Variants in HDAC9 observed in about 807,000 individuals in gnomAD.
HDAC9 encodes histone deacetylase 9.
Under a neutral mutation model 139.4 loss-of-function variants are expected in HDAC9, and 41 were observed. The observed-to-expected ratio is 0.29, with a 90% CI of 0.23 to 0.38. The LOEUF is 0.38. Ranked by LOEUF, HDAC9 falls within the 10% of genes least tolerant of loss-of-function variation. The pLI is 1.00. For synonymous variants in HDAC9, 517 were observed against 476.2 expected, an observed-to-expected ratio of 1.09 and a Z score of -1.12; for missense variants, 1,147 against 1,297.0, an observed-to-expected ratio of 0.88 and a Z score of 1.78.
At chr7:18,353,743 C>T (rs1292358113) in intron 1 of HDAC9, among the ~76,000 whole-genome samples, 1 of 152,162 alleles carries the variant, frequency 6.6e-6, no homozygotes, top group Non-Finnish European at 1.5e-5. Flanking sequence ...TATTTTCTGC[C>T]TAAGCAGACT....
intron 1 of HDAC9, among the ~76,000 whole-genome samples, chr7:18,098,376 T>TAA (rs1782644568): frequency 1.3e-5 from 2 of 152,244 alleles, no homozygotes; most frequent in African/African-American, 4.8e-5. Context: ...AGGCTATCTA[T>TAA]GCAAATAAGT....
chr7:18,301,233 C>G (rs1043224859), intron 1 of HDAC9, among the ~76,000 whole-genome samples: 2 of 151,986 alleles, frequency 1.3e-5, no homozygotes, highest in African/African-American at 4.8e-5. Context: ...ATATAAGCAT[C>G]AGAATAATAC....
chr7:18,990,251 T>A (rs951663156), intron 25 of HDAC9, among the ~76,000 whole-genome samples: 2 of 152,142 alleles, frequency 1.3e-5, no homozygotes, highest in Non-Finnish European at 2.9e-5. Flanking sequence ...GTCCTTTCTG[T>A]TTGTTAGGAC....
At chr7:18,744,207 G>A (rs1015645588) in intron 13 of HDAC9, among the ~76,000 whole-genome samples, 2 of 151,952 alleles carry the variant, frequency 1.3e-5, no homozygotes, top group Non-Finnish European at 2.9e-5. Flanking sequence ...GGTCAGGCTG[G>A]TCTTGAACTC....
intron 2 of HDAC9, among the ~76,000 whole-genome samples, chr7:18,258,094 C>T (rs1478557369): frequency 6.6e-6 from 1 of 152,194 alleles, no homozygotes; most frequent in Non-Finnish European, 1.5e-5. Context: ...TCATATTTCC[C>T]TTAACTGAGT....
intron 1 of HDAC9, among the ~76,000 whole-genome samples, chr7:18,355,325 C>T (rs914466374): frequency 6.6e-6 from 1 of 152,104 alleles, no homozygotes; most frequent in Non-Finnish European, 1.5e-5. Flanking sequence ...TCTTAACCTT[C>T]CAAGAGTCTG....
intron 12 of HDAC9, among the ~76,000 whole-genome samples, chr7:18,692,786 A>T (rs1782764091): frequency 6.6e-6 from 1 of 152,250 alleles, no homozygotes; most frequent in African/African-American, 2.4e-5. Context: ...GTGACCATGT[A>T]TATTTTATGG....
intron 1 of HDAC9, among the ~76,000 whole-genome samples, chr7:18,312,074 A>G (rs1249654392): frequency 6.6e-6 from 1 of 152,172 alleles, no homozygotes; most frequent in East Asian, 1.9e-4. Context: ...TGTAGGGCCT[A>G]TTGTCCTGAC....
At position 18,474,630 on chromosome 7, in the gene HDAC9, G is replaced by A. The variant is rs951921368; in HGVS notation, c.-41-21632G>A. 5.3e-5 allele frequency among the ~76,000 whole-genome samples: 8 copies of A among 152,230 alleles called. No individual in the cohort carries two copies. The East Asian group carries it at 1.5e-3, about 29-fold the overall frequency. On this transcript the variant is annotated intron_variant, in intron 1 of 3. Coordinates refer to the HDAC9 transcript ENST00000413509. ...TTAAAGCATGTTTGAAATAGATAAT[G>A]ATTATTTTATGTGTTTATCTTGAGC...
At chr7:18,306,178 A>T (rs1344673840) in intron 1 of HDAC9, among the ~76,000 whole-genome samples, 1 of 152,214 alleles carries the variant, frequency 6.6e-6, no homozygotes, top group Non-Finnish European at 1.5e-5. Flanking sequence ...TCTGTACAAC[A>T]GGCACACAGG....
intron 1 of HDAC9, among the ~76,000 whole-genome samples, chr7:18,432,434 A>G (rs554223601): frequency 1.3e-3 from 194 of 152,362 alleles, no homozygotes; most frequent in Admixed American, 3.4e-3. Context: ...CAGTCAACAA[A>G]TGTTGAATTA....
Position 18,749,092 on chromosome 7 carries a change from G to C in HDAC9, c.1997G>C (p.Ser666Thr). 6.2e-7 allele frequency: 1 copy of C among 1,613,812 alleles called. No individual in the cohort carries two copies. Among genetic ancestry groups the C allele is most frequent in the Non-Finnish European group, 8.5e-7 (1 of 1,179,806 alleles). ...THPEHAGRIQ[S>T]IWSRLQETGL... is the part of the protein sequence containing the mutation. Reference sequence around the variant, plus strand: ...CCTGAGCATGCTGGACGAATACAGAGTATCTGGTCACGACTGCAAGAAACT... The same window carrying C: ...CCTGAGCATGCTGGACGAATACAGACTATCTGGTCACGACTGCAAGAAACT... Residue 666 changes from serine (S) to threonine (T), a missense_variant, in exon 14 of 26, where the codon AGT (serine) becomes ACT (threonine). Physicochemically the swap from Ser to Thr is moderately conservative, Grantham distance 58. This residue lies in a region of HDAC9 where 407 missense variants were observed against 521.5 expected (regional missense o/e 0.78). Transcript: ENST00000686413.
At chr7:18,180,141 C>G (rs1369285949) in intron 2 of HDAC9, among the ~76,000 whole-genome samples, 1 of 151,554 alleles carries the variant, frequency 6.6e-6, no homozygotes, top group African/African-American at 2.4e-5. Flanking sequence ...TAGTGAGCGC[C>G]TTAGTTGCCT....
At chr7:18,140,090 G>C (rs975449446) in intron 1 of HDAC9, among the ~76,000 whole-genome samples, 10 of 152,148 alleles carry the variant, frequency 6.6e-5, no homozygotes, top group African/African-American at 2.4e-4. Flanking sequence ...CTCAGTCCAT[G>C]ATGAAAGCCA....
At chr7:18,498,895 T>G (rs1797654023) in intron 2 of HDAC9, among the ~76,000 whole-genome samples, 1 of 152,134 alleles carries the variant, frequency 6.6e-6, no homozygotes, top group Non-Finnish European at 1.5e-5. Context: ...CAATGCCATG[T>G]TCTATCTTGC....
chr7:18,811,173 T>C (rs1027284653), intron 17 of HDAC9, among the ~76,000 whole-genome samples: 1 of 151,892 alleles, frequency 6.6e-6, no homozygotes, highest in African/African-American at 2.4e-5. Context: ...TAGAGGTTTA[T>C]CAATTTTATT....
chr7:18,650,771 T>C (rs1160337850), intron 11 of HDAC9, among the ~76,000 whole-genome samples: 1 of 152,198 alleles, frequency 6.6e-6, no homozygotes, highest in African/African-American at 2.4e-5. Context: ...GATTATTAAA[T>C]CTTGTCTTAA....
At chr7:18,703,054 T>G (rs1015510246) in intron 12 of HDAC9, among the ~76,000 whole-genome samples, 3 of 152,150 alleles carry the variant, frequency 2.0e-5, no homozygotes, top group African/African-American at 7.2e-5. Context: ...ATATTAAATA[T>G]TTTATGGTAA....
intron 1 of HDAC9, among the ~76,000 whole-genome samples, chr7:18,486,708 AG>A (rs1462094238): frequency 6.6e-6 from 1 of 152,148 alleles, no homozygotes; most frequent in African/African-American, 2.4e-5. Flanking sequence ...AGGAAAATAA[AG>A]CATAATATAA....
Sources: gnomAD v4.1 joint callset for allele counts (sites outside exome capture counted in the v4.1 genomes callset) on GRCh38, gnomAD v4.1.1 for gene constraint, gnomAD v4.1.1 regional missense constraint, MANE v1.5 for transcripts, NCBI Gene and HGNC (gene_info 2026-07-23, HGNC 2026-07-21) for gene names.